ULK4: variants seen among roughly 807,000 people sequenced by gnomAD.
ULK4 encodes unc-51 like kinase 4.
Under a neutral mutation model 160.6 loss-of-function variants are expected in ULK4, and 133 were observed. The observed-to-expected ratio is 0.83, with a 90% confidence interval of 0.72 to 0.96. ULK4 has a LOEUF of 0.96. ULK4 is among the 40% of genes least tolerant of loss of function. ULK4 has a pLI of 0.00. For missense variants in ULK4, 1,580 were observed against 1,499.5 expected, an observed-to-expected ratio of 1.05 and a Z score of -0.89; for synonymous variants, 534 against 539.8, an observed-to-expected ratio of 0.99 and a Z score of 0.15.
At chr3:41,607,002 G>C (rs2032415414) in intron 31 of ULK4, among the ~76,000 whole-genome samples, 1 of 151,880 alleles carries the variant, frequency 6.6e-6, no homozygotes, top group South Asian at 2.1e-4. Flanking sequence ...TGCTTTTGTA[G>C]TTGTACTCAT....
At chr3:41,850,732 C>T (rs1214388409) in intron 17 of ULK4, among the ~76,000 whole-genome samples, 5 of 152,076 alleles carry the variant, frequency 3.3e-5, no homozygotes, top group African/African-American at 4.8e-5. Context: ...GAGTAGGTTG[C>T]AAAAATTTTC....
At chr3:41,622,265 A>G (rs1334153466) in intron 30 of ULK4, among the ~76,000 whole-genome samples, 1 of 152,194 alleles carries the variant, frequency 6.6e-6, no homozygotes, top group Non-Finnish European at 1.5e-5. Context: ...TACCCAAAGG[A>G]TTGTATATCA....
chr3:41,857,412 A>T (rs766617553), intron 17 of ULK4, among the ~76,000 whole-genome samples: 14 of 151,914 alleles, frequency 9.2e-5, no homozygotes, highest in Non-Finnish European at 1.8e-4. Flanking sequence ...TCTTTTTTTG[A>T]TATGTCTTTG....
Position 41,568,207 on chromosome 3 carries a change from A to G in ULK4, c.3121-2077T>C, listed in dbSNP as rs946829571. Among the ~76,000 whole-genome samples, 4 of 152,226 alleles carry G rather than the reference A, an allele frequency of 2.6e-5. No individual in the cohort carries two copies. The East Asian group carries it at 7.7e-4, about 29-fold the overall frequency. On this transcript the variant is annotated intron_variant, in intron 31 of 36. Transcript: ENST00000301831. ...TTGTACCAGGAGGAGAAGACAATAA[A>G]TAACAAATAATTATAAGACATGTTA...
chr3:41,609,021 C>A (rs1322701130), intron 31 of ULK4, among the ~76,000 whole-genome samples: 1 of 152,116 alleles, frequency 6.6e-6, no homozygotes, highest in East Asian at 1.9e-4. Context: ...GAACATAGAG[C>A]AGAACTAGTA....
intron 21 of ULK4, among the ~76,000 whole-genome samples, chr3:41,768,349 G>C (rs1018469941): frequency 5.9e-5 from 9 of 152,116 alleles, no homozygotes; most frequent in Non-Finnish European, 2.9e-5. Context: ...ACAGTATCTG[G>C]ACTAACCTGC....
At chr3:41,394,600 C>T (rs2082018439) in intron 35 of ULK4, among the ~76,000 whole-genome samples, 2 of 151,938 alleles carry the variant, frequency 1.3e-5, no homozygotes, top group South Asian at 2.1e-4. Context: ...ATAGAATGGT[C>T]GTATGGGTAC....
intron 34 of ULK4, among the ~76,000 whole-genome samples, chr3:41,438,808 C>A (rs1000531773): frequency 2.0e-5 from 3 of 151,882 alleles, no homozygotes; most frequent in Non-Finnish European, 4.4e-5. Context: ...CTAGCCTGGG[C>A]AACAGAATGA....
intron 5 of ULK4, among the ~76,000 whole-genome samples, chr3:41,928,490 T>C (rs1239189349): frequency 7.0e-6 from 1 of 143,020 alleles, no homozygotes; most frequent in Non-Finnish European, 1.5e-5. Flanking sequence ...AAGAAATAAC[T>C]AATTTCAGAG....
intron 32 of ULK4, among the ~76,000 whole-genome samples, chr3:41,543,707 T>C (rs2086767555): frequency 6.6e-6 from 1 of 152,212 alleles, no homozygotes; most frequent in Non-Finnish European, 1.5e-5. Context: ...CATTTTTTCA[T>C]AGTATGCCCT....
chr3:41,530,039 T>C (rs1397197093), intron 32 of ULK4, among the ~76,000 whole-genome samples: 1 of 152,186 alleles, frequency 6.6e-6, no homozygotes, highest in African/African-American at 2.4e-5. Flanking sequence ...ATTCTGGAAT[T>C]ACATAGTGAA....
intron 35 of ULK4, among the ~76,000 whole-genome samples, chr3:41,259,112 A>G (rs1450526686): frequency 1.6e-5 from 2 of 129,018 alleles, no homozygotes; most frequent in Non-Finnish European, 1.5e-5. Flanking sequence ...ATATGTATAT[A>G]TGTGTATATA....
intron 5 of ULK4, among the ~76,000 whole-genome samples, chr3:41,922,786 C>T (rs1171393688): frequency 6.6e-6 from 1 of 151,974 alleles, no homozygotes; most frequent in Non-Finnish European, 1.5e-5. Flanking sequence ...ACGATGGACT[C>T]CATGCAAAGA....
intron 29 of ULK4, among the ~76,000 whole-genome samples, chr3:41,672,138 C>T (rs570849050): frequency 6.6e-6 from 1 of 152,152 alleles, no homozygotes; most frequent in Admixed American, 6.5e-5. Flanking sequence ...GTAACATAGC[C>T]ATTATGATAA....
chr3:41,308,606 G>A (rs961325465), intron 35 of ULK4, among the ~76,000 whole-genome samples: 1 of 152,178 alleles, frequency 6.6e-6, no homozygotes, highest in Non-Finnish European at 1.5e-5. Context: ...ACTGGGTTAA[G>A]CAGTAGATAA....
chr3:41,808,545 A>G (rs528807239), intron 19 of ULK4, among the ~76,000 whole-genome samples: 156 of 152,374 alleles, frequency 1.0e-3, no homozygotes, highest in Non-Finnish European at 1.7e-3. Flanking sequence ...TCTTTGGGAA[A>G]GATAACTGAG....
chr3:41,571,657 A>T (rs1465425112), intron 31 of ULK4, among the ~76,000 whole-genome samples: 1 of 152,208 alleles, frequency 6.6e-6, no homozygotes, highest in African/African-American at 2.4e-5. Flanking sequence ...CACAGGTCAG[A>T]GTTGGAGGGG....
chr3:41,596,099 G>C (rs1358498074), intron 31 of ULK4, among the ~76,000 whole-genome samples: 1 of 152,144 alleles, frequency 6.6e-6, no homozygotes, highest in African/African-American at 2.4e-5. Context: ...TCATTACATC[G>C]GGGGGATGAC....
In ULK4 at chr3:41,715,573, G is replaced by A. The variant is rs2037239604; in HGVS notation, c.2456-5C>T. 1 of 1,613,942 alleles carries A rather than the reference G, an allele frequency of 6.2e-7. No homozygotes were observed. The highest frequency in any genetic ancestry group is 8.5e-7 in the Non-Finnish European group (1 of 1,180,016). ...CCAAGGAGTTAAGAATGTCACCTGT[G>A]AAGCACAGCCCAGAGCATATGTGGA... is the stretch of plus-strand genomic sequence containing the variant. On this transcript the variant is annotated splice_polypyrimidine_tract_variant and splice_region_variant and intron_variant, in intron 23 of 36. Transcript: ENST00000301831.
Sources: gnomAD v4.1 joint callset for allele counts (sites outside exome capture counted in the v4.1 genomes callset) on GRCh38, gnomAD v4.1.1 for gene constraint, MANE v1.5 for transcripts, NCBI Gene and HGNC (gene_info 2026-07-23, HGNC 2026-07-21) for gene names.